GALNT14: variants seen among roughly 807,000 people sequenced by gnomAD.
GALNT14 encodes the protein polypeptide N-acetylgalactosaminyltransferase 14.
Under a neutral mutation model 77.5 loss-of-function variants are expected in GALNT14, and 60 were observed. The observed-to-expected ratio is 0.77, with a 90% CI of 0.63 to 0.96. GALNT14 has a LOEUF of 0.96. Among genes scored for constraint, GALNT14 ranks in the 40% least tolerant of loss-of-function variants. GALNT14 has a pLI of 0.00. For synonymous variants in GALNT14, 280 were observed against 281.7 expected (o/e 0.99, Z 0.06); for missense variants, 710 against 731.0 (o/e 0.97, Z 0.33).
chr2:30,999,125 C>T (rs1042345414), intron 1 of GALNT14, among the ~76,000 whole-genome samples: 2 of 152,174 alleles, frequency 1.3e-5, no homozygotes, highest in East Asian at 3.8e-4. Context: ...TAGAAAACAG[C>T]GATGTAAATT....
intron 1 of GALNT14, among the ~76,000 whole-genome samples, chr2:31,036,038 GT>G (rs1470098805): frequency 2.0e-5 from 3 of 152,192 alleles, no homozygotes; most frequent in Admixed American, 6.5e-5. Context: ...AATAAAGTGT[GT>G]GTCTTATAGA....
chr2:31,015,093 C>A (rs1558494124), intron 1 of GALNT14, among the ~76,000 whole-genome samples: 1 of 151,900 alleles, frequency 6.6e-6, no homozygotes, highest in Non-Finnish European at 1.5e-5. Flanking sequence ...AGTTTGAGAC[C>A]AGCCTGACCA....
intron 1 of GALNT14, among the ~76,000 whole-genome samples, chr2:31,132,113 C>G (rs1286271927): frequency 2.0e-5 from 3 of 152,090 alleles, no homozygotes; most frequent in Admixed American, 6.6e-5. Flanking sequence ...CTGCAGGGAC[C>G]TGGGGGAGAG....
At chr2:30,947,916 C>G (rs1303178322) in intron 6 of GALNT14, among the ~76,000 whole-genome samples, 1 of 152,196 alleles carries the variant, frequency 6.6e-6, no homozygotes, top group Non-Finnish European at 1.5e-5. Context: ...ATTTTCAATG[C>G]ATTACTTCTA....
At chr2:30,904,388 C>A in the GALNT14 span, among the ~76,000 whole-genome samples, 2 of 152,200 alleles carry the variant, frequency 1.3e-5, no homozygotes, top group Non-Finnish European at 2.9e-5. Context: ...CGAGGCATTG[C>A]CTCACTTGGG....
intron 1 of GALNT14, among the ~76,000 whole-genome samples, chr2:31,084,896 G>T (rs918736010): frequency 6.6e-6 from 1 of 152,082 alleles, no homozygotes; most frequent in African/African-American, 2.4e-5. Context: ...ATGGTGGCAT[G>T]CACCTGTAAT....
chr2:30,971,714 T>C (rs540706899), intron 2 of GALNT14, among the ~76,000 whole-genome samples: 152 of 152,166 alleles, frequency 1.0e-3, no homozygotes, highest in African/African-American at 3.2e-3. Context: ...TGGCCCCTCT[T>C]TCCTCTGCAC....
At chr2:30,938,359 TACACACACAC>T (rs151007812) in intron 9 of GALNT14, among the ~76,000 whole-genome samples, 2 of 140,882 alleles carry the variant, frequency 1.4e-5, no homozygotes, top group Admixed American at 7.1e-5. Flanking sequence ...AGATTCCTTT[TACACACACAC>T]ACACACACAC....
chr2:30,888,306 G>C, the GALNT14 span, among the ~76,000 whole-genome samples: 2 of 152,186 alleles, frequency 1.3e-5, no homozygotes, highest in African/African-American at 2.4e-5. Context: ...TGAGGGCATG[G>C]ACTCTGCAAC....
At chr2:30,909,004 A>G (rs1237808091), downstream of GALNT14, among the ~76,000 whole-genome samples, 1 of 152,028 alleles carries the variant, frequency 6.6e-6, no homozygotes, top group East Asian at 1.9e-4. Flanking sequence ...CTGGCTAGCC[A>G]TATGTAGAAA....
intron 1 of GALNT14, among the ~76,000 whole-genome samples, chr2:31,119,655 TAC>T (rs1309619531): frequency 6.6e-6 from 1 of 152,158 alleles, no homozygotes. Flanking sequence ...ATATAAAAAT[TAC>T]AGACTCCTTT....
rs1194615027 is a variant in GALNT14, at chr2:30,945,809, A to C, written c.716T>G (p.Ile239Ser). 6.2e-7 allele frequency: 1 copy of C among 1,614,018 alleles called. No homozygotes were observed. Among genetic ancestry groups the C allele is most frequent in the East Asian group, 2.2e-5 (1 of 44,878 alleles). Reference sequence around the variant, plus strand: ...CCCTCTGAGCTCCGAGGCAGACTCGATGTAGGTGAAGGTGTCCAGGTTAAT... The same window carrying C: ...CCCTCTGAGCTCCGAGGCAGACTCGCTGTAGGTGAAGGTGTCCAGGTTAAT... ...DIINLDTFTY[I>S]ESASELRGGF... is the part of the protein sequence containing the mutation. The change falls in exon 7 of 15, where the codon ATC (isoleucine) becomes AGC (serine). Residue 239 changes from isoleucine (I) to serine (S), a missense_variant. Coordinates refer to ENST00000349752, the MANE Select transcript of GALNT14 (RefSeq NM_024572.4).
intron 1 of GALNT14, among the ~76,000 whole-genome samples, chr2:31,060,184 C>T (rs1483038499): frequency 6.6e-6 from 1 of 152,176 alleles, no homozygotes; most frequent in Non-Finnish European, 1.5e-5. Context: ...CCAGCCAGGA[C>T]CGGAACCAAG....
chr2:30,916,853 T>G (rs1431364742), intron 13 of GALNT14, among the ~76,000 whole-genome samples: 1 of 151,554 alleles, frequency 6.6e-6, no homozygotes, highest in African/African-American at 2.4e-5. Flanking sequence ...CTGAGATGGG[T>G]GGATCACGAG....
intron 2 of GALNT14, among the ~76,000 whole-genome samples, chr2:30,991,879 G>T (rs899253327): frequency 2.0e-5 from 3 of 152,178 alleles, no homozygotes; most frequent in African/African-American, 7.2e-5. Flanking sequence ...GAAAATGCCT[G>T]CTCTACTGCT....
intron 2 of GALNT14, among the ~76,000 whole-genome samples, chr2:30,989,432 ATCT>A (rs1669517746): frequency 6.6e-6 from 1 of 151,370 alleles, no homozygotes; most frequent in African/African-American, 2.4e-5. Flanking sequence ...TTGCCTGATC[ATCT>A]TGAGTTTTCT....
intron 1 of GALNT14, among the ~76,000 whole-genome samples, chr2:31,041,121 C>T (rs1673067880): frequency 6.6e-6 from 1 of 152,078 alleles, no homozygotes; most frequent in African/African-American, 2.4e-5. Context: ...AATAAAACAT[C>T]AATAAGAACA....
intron 2 of GALNT14, among the ~76,000 whole-genome samples, chr2:30,990,813 G>A (rs2241427): frequency 0.31 from 47,204 of 152,142 alleles, 7,869 homozygotes; most frequent in African/African-American, 0.42. Flanking sequence ...GGCAAGGCTC[G>A]TGCCCTGAGG....
At chr2:31,039,021 G>A (rs1672936848) in intron 1 of GALNT14, among the ~76,000 whole-genome samples, 1 of 152,146 alleles carries the variant, frequency 6.6e-6, no homozygotes, top group South Asian at 2.1e-4. Flanking sequence ...TGGGATTGCA[G>A]GCGTGAGCCA....
Sources: allele counts gnomAD v4.1 joint callset (sites outside exome capture counted in the v4.1 genomes callset), GRCh38; gene constraint gnomAD v4.1.1; transcripts MANE v1.5; gene names NCBI Gene and HGNC (gene_info 2026-07-23, HGNC 2026-07-21).